Variants in SCRG1 observed in about 807,000 individuals in gnomAD.
The protein encoded by SCRG1 is scrapie-responsive protein 1.
Under a neutral mutation model 7.7 loss-of-function variants are expected in SCRG1, and 3 were observed. That is an observed-to-expected ratio of 0.39 (90% CI 0.18 to 1.01). SCRG1 has a LOEUF of 1.01. Among genes scored for constraint, SCRG1 ranks in the 50% least tolerant of loss-of-function variants. SCRG1 has a pLI of 0.36. For synonymous variants in SCRG1, 46 were observed against 41.2 expected (o/e 1.12, Z -0.44); for missense variants, 110 against 117.2 (o/e 0.94, Z 0.28).
the SCRG1 span, among the ~76,000 whole-genome samples, chr4:173,516,658 G>A: frequency 6.6e-6 from 1 of 152,186 alleles, no homozygotes; most frequent in Non-Finnish European, 1.5e-5. Context: ...AACCAACCCC[G>A]TCTACTGCGT....
At chr4:173,415,408 G>A in the SCRG1 span, among the ~76,000 whole-genome samples, 1 of 152,106 alleles carries the variant, frequency 6.6e-6, no homozygotes, top group African/African-American at 2.4e-5. Flanking sequence ...CAAACTGTAC[G>A]CCAGCTTAGT....
At chr4:173,518,386 A>C in the SCRG1 span, among the ~76,000 whole-genome samples, 4 of 152,184 alleles carry the variant, frequency 2.6e-5, no homozygotes, top group South Asian at 4.1e-4. Flanking sequence ...ATTTAAAGTT[A>C]CTTATTTTTT....
the SCRG1 span, among the ~76,000 whole-genome samples, chr4:173,451,481 C>G: frequency 6.8e-6 from 1 of 147,952 alleles, no homozygotes; most frequent in Non-Finnish European, 1.5e-5. Flanking sequence ...CTGACTATAC[C>G]AAGAAGATAG....
chr4:173,483,199 T>TTA, the SCRG1 span, among the ~76,000 whole-genome samples: 8 of 73,886 alleles, frequency 1.1e-4, no homozygotes, highest in South Asian at 9.0e-4. Flanking sequence ...ATGATATATA[T>TTA]TATATGATAT....
At chr4:173,455,993 G>A in the SCRG1 span, among the ~76,000 whole-genome samples, 97 of 152,230 alleles carry the variant, frequency 6.4e-4, no homozygotes, top group African/African-American at 2.0e-3. Context: ...TGGAAACCAC[G>A]AAAAACAGAT....
At chr4:173,451,640 TTA>T in the SCRG1 span, among the ~76,000 whole-genome samples, 1 of 23,690 alleles carries the variant, frequency 4.2e-5, no homozygotes, top group East Asian at 1.1e-3. Context: ...CTTATTTTAT[TTA>T]TTTATTTATT....
chr4:173,445,092 T>G, the SCRG1 span, among the ~76,000 whole-genome samples: 2 of 119,080 alleles, frequency 1.7e-5, no homozygotes, highest in Non-Finnish European at 4.2e-5. Context: ...TGCCCAACTT[T>G]TAACAGAAAT....
chr4:173,447,390 A>T, the SCRG1 span, among the ~76,000 whole-genome samples: 1 of 152,314 alleles, frequency 6.6e-6, no homozygotes, highest in Non-Finnish European at 1.5e-5. Context: ...TTTCAGGAAG[A>T]CACAAACATT....
the SCRG1 span, among the ~76,000 whole-genome samples, chr4:173,476,363 A>AATATATATATATATATATATATATATAT: frequency 1.2e-4 from 12 of 98,370 alleles, no homozygotes; most frequent in African/African-American, 2.5e-4. Context: ...GGAAAAAAAA[A>AATATATATATATATATATATATATATAT]ATATATATAT....
the SCRG1 span, among the ~76,000 whole-genome samples, chr4:173,434,727 G>C: frequency 6.6e-6 from 1 of 152,094 alleles, no homozygotes; most frequent in East Asian, 1.9e-4. Context: ...GCTACTTGGG[G>C]GGCTGAGGCA....
At chr4:173,400,425 T>G (rs1391360811), upstream of SCRG1, among the ~76,000 whole-genome samples, 1 of 152,156 alleles carries the variant, frequency 6.6e-6, no homozygotes, top group Non-Finnish European at 1.5e-5. Context: ...AATGAGTTAG[T>G]TGGTGAACGT....
chr4:173,510,547 G>A, the SCRG1 span, among the ~76,000 whole-genome samples: 8 of 152,090 alleles, frequency 5.3e-5, no homozygotes, highest in African/African-American at 1.9e-4. The surrounding 1 kb of genome is among the most constrained non-coding windows in gnomAD (Gnocchi z 5.7). Context: ...GCCTTGCAGG[G>A]GTAGCCCTAT....
the SCRG1 span, among the ~76,000 whole-genome samples, chr4:173,455,320 G>A: frequency 2.0e-5 from 3 of 152,176 alleles, no homozygotes; most frequent in Non-Finnish European, 4.4e-5. Context: ...CATTACACTT[G>A]TCACAGAACA....
At chr4:173,404,264 A>T (rs1048494538) in intron 2 of SCRG1, 4 of 152,202 alleles carry the variant, frequency 2.6e-5, no homozygotes, top group East Asian at 3.8e-4. Flanking sequence ...GTACCTTTTT[A>T]AAAAATTGTA....
upstream of SCRG1, among the ~76,000 whole-genome samples, chr4:173,408,570 A>G (rs970648413): frequency 1.3e-5 from 2 of 152,328 alleles, no homozygotes; most frequent in African/African-American, 4.8e-5. Flanking sequence ...TTATGTCTTA[A>G]GTTACTTTAT....
upstream of SCRG1, among the ~76,000 whole-genome samples, chr4:173,406,924 C>T (rs143492911): frequency 5.9e-5 from 9 of 152,202 alleles, 1 homozygote; most frequent in East Asian, 1.2e-3. Flanking sequence ...AACAGAGGTG[C>T]GCGCTGGGCA....
chr4:173,485,452 G>C, the SCRG1 span, among the ~76,000 whole-genome samples: 1 of 151,378 alleles, frequency 6.6e-6, no homozygotes, highest in African/African-American at 2.4e-5. Context: ...TAAGCCATTA[G>C]ATGACTGAGG....
upstream of SCRG1, among the ~76,000 whole-genome samples, chr4:173,409,900 T>C (rs559622822): frequency 5.7e-4 from 87 of 152,302 alleles, no homozygotes; most frequent in African/African-American, 2.1e-3. Flanking sequence ...CCCTGCATAC[T>C]CTTAAGTATG....
chr4:173,429,619 G>A, the SCRG1 span, among the ~76,000 whole-genome samples: 4 of 152,122 alleles, frequency 2.6e-5, no homozygotes, highest in African/African-American at 4.8e-5. Flanking sequence ...AACCTTGTTC[G>A]TGAGGGGTGA....
Sources: allele counts gnomAD v4.1 joint callset (sites outside exome capture counted in the v4.1 genomes callset), GRCh38; gene constraint gnomAD v4.1.1; non-coding constraint Gnocchi (gnomAD v3.1); transcripts MANE v1.5; gene names NCBI Gene and HGNC (gene_info 2026-07-23, HGNC 2026-07-21).